Variants in DZIP1L observed in about 807,000 individuals in gnomAD.
DZIP1L encodes DAZ interacting zinc finger protein 1 like.
In DZIP1L, 90 loss-of-function variants were observed where a neutral mutation model predicts 88.7. The observed-to-expected ratio is 1.02, with a 90% CI of 0.86 to 1.21. The LOEUF (loss-of-function observed/expected upper bound fraction) is 1.21. Among genes scored for constraint, DZIP1L ranks in the 50% most tolerant of loss-of-function variants. The probability of loss-of-function intolerance (pLI) is 0.00; values close to 1 mark genes in which losing one functional copy is unlikely to be tolerated. For synonymous variants in DZIP1L, 363 were observed against 372.1 expected, an observed-to-expected ratio of 0.98 and a Z score of 0.28; for missense variants, 932 against 955.8, an observed-to-expected ratio of 0.98 and a Z score of 0.33.
At chr3:138,113,521 G>C (rs943048747) in intron 1 of DZIP1L, 1 of 152,190 alleles carries the variant, frequency 6.6e-6, no homozygotes, top group Non-Finnish European at 1.5e-5. Flanking sequence ...CCCACTGGGG[G>C]AGCTCAGGCG....
intron 7 of DZIP1L, among the ~76,000 whole-genome samples, chr3:138,085,005 T>G (rs1266354927): frequency 1.3e-5 from 2 of 152,242 alleles, no homozygotes; most frequent in African/African-American, 4.8e-5. Context: ...TTGGTACCAG[T>G]ACCAGTACCA....
At chr3:138,097,923 C>CTTGGGA in intron 2 of DZIP1L, 76 bp from the exon 3 acceptor site, 1 of 1,301,990 alleles carries the variant, frequency 7.7e-7, no homozygotes, top group South Asian at 1.3e-5. Context: ...TATATCAAAG[C>CTTGGGA]CCCCATCCCC....
chr3:138,081,870 T>G, intron 8 of DZIP1L, 106 bp from the exon 9 acceptor site: 2 of 1,182,614 alleles, frequency 1.7e-6, no homozygotes, highest in East Asian at 2.7e-5. Flanking sequence ...TGGCTACAGA[T>G]TCCATGACTC....
At chr3:138,071,061 T>C (rs2622704) in intron 12 of DZIP1L, among the ~76,000 whole-genome samples, 91,629 of 152,106 alleles carry the variant, frequency 0.6, 29,115 homozygotes, top group Non-Finnish European at 0.7. Context: ...GTGGCAGCTA[T>C]GACCTGGCCC....
intron 15 of DZIP1L, chr3:138,064,339 A>G: frequency 8.0e-7 from 1 of 1,251,750 alleles, no homozygotes; most frequent in Admixed American, 3.4e-5. Flanking sequence ...TGCCAGACAC[A>G]GAGTCAGCTC....
At chr3:138,080,677 G>T (rs1466400820) in intron 9 of DZIP1L, 57 bp from the exon 10 acceptor site, 2 of 1,587,552 alleles carry the variant, frequency 1.3e-6, no homozygotes, top group South Asian at 1.1e-5. Flanking sequence ...TCCCTGACTA[G>T]AAGAAAAGTA....
rs1367745883 is a variant in DZIP1L at position 138,108,244 on chromosome 3, C to T, written c.-81-4192G>A. The stretch of plus-strand genomic sequence containing the variant: ...GCCACCAGAGCCTCAGAGACGACTA[C>T]TCACAACAAGCTGTGCCTCGGAGCA... On this transcript the variant is annotated intron_variant, in intron 1 of 15. Coordinates refer to ENST00000327532, the MANE Select transcript of DZIP1L (RefSeq NM_173543.3). The T allele has an allele frequency of 3.0e-6, 3 of 985,214 alleles. No individual in the cohort carries two copies. In the African/African-American group the frequency reaches 5.2e-5, roughly 17 times the overall value. 61.0% of individuals were successfully genotyped at this position (985,214 alleles called of 1,614,324 possible).
In DZIP1L at chr3:138,107,574, G is replaced by A. The variant is rs181784409; in HGVS notation, c.-81-3522C>T. Among the ~76,000 whole-genome samples, 418 of 152,316 alleles carry A rather than the reference G, an allele frequency of 2.7e-3. 1 individual carries two copies. Among genetic ancestry groups the A allele is most frequent in the African/African-American group, 9.7e-3 (402 of 41,568 alleles). ...GAAAACAGGAGACCAGATTTGAAGT[G>A]TAATTGTAGGTTCATCTGGCACCAA... On this transcript the variant is annotated intron_variant, in intron 1 of 15. Coordinates refer to ENST00000327532, the MANE Select transcript of DZIP1L (RefSeq NM_173543.3).
chr3:138,079,378 A>C (rs1034877152), intron 10 of DZIP1L, among the ~76,000 whole-genome samples: 11 of 152,248 alleles, frequency 7.2e-5, no homozygotes, highest in African/African-American at 2.7e-4. Context: ...CGGAGGCAGT[A>C]GAGGACTAAC....
chr3:138,068,502 T>A, intron 12 of DZIP1L, 135 bp from the exon 13 acceptor site: 1 of 611,632 alleles, frequency 1.6e-6, no homozygotes, highest in East Asian at 3.4e-5. Flanking sequence ...CCACAGCAGA[T>A]TTCATGACTG....
intron 15 of DZIP1L, among the ~76,000 whole-genome samples, chr3:138,064,217 T>C (rs2107726869): frequency 6.6e-6 from 1 of 152,198 alleles, no homozygotes; most frequent in South Asian, 2.1e-4. Context: ...AGTACCACCC[T>C]TGGGGGAGTC....
At chr3:138,077,694 C>A in intron 10 of DZIP1L, 62 bp from the exon 11 acceptor site, 1 of 1,593,266 alleles carries the variant, frequency 6.3e-7, no homozygotes. Context: ...TCCCAGAGCC[C>A]TACTGCACCT....
chr3:138,091,346 G>T (rs1576475450), intron 5 of DZIP1L, among the ~76,000 whole-genome samples: 1 of 151,758 alleles, frequency 6.6e-6, no homozygotes, highest in Admixed American at 6.6e-5. Context: ...GCCGGGCGCA[G>T]TGGCTCATGC....
chr3:138,079,836 C>T (rs964718304), intron 10 of DZIP1L, among the ~76,000 whole-genome samples: 2 of 152,118 alleles, frequency 1.3e-5, no homozygotes, highest in Non-Finnish European at 2.9e-5. Context: ...CTGGGTGTGT[C>T]CATTGGGGAA....
At chr3:138,111,126 G>A (rs2042612627) in intron 1 of DZIP1L, among the ~76,000 whole-genome samples, 1 of 152,214 alleles carries the variant, frequency 6.6e-6, no homozygotes, top group African/African-American at 2.4e-5. Flanking sequence ...CGTATCTGCT[G>A]TATCCCAGTC....
chr3:138,104,069 G>A lies in DZIP1L; in HGVS notation c.-81-17C>T, dbSNP rs1440681056. The A allele has an allele frequency of 4.6e-6, 7 of 1,507,494 alleles. No individual in the cohort carries two copies. The Admixed American group carries it at 1.6e-4, about 34-fold the overall frequency. The allele number at this position is 1,507,494 out of a possible 1,614,324, so 93.4% of individuals were successfully genotyped here. On this transcript the variant is annotated splice_polypyrimidine_tract_variant and intron_variant, in intron 1 of 15. Coordinates refer to ENST00000327532, the MANE Select transcript of DZIP1L (RefSeq NM_173543.3). ...AGAGAAGGCCTGGAAAATAAGAAGA[G>A]AGTCCAAGTTAGGTGAGGTGTGTGT...
intron 15 of DZIP1L, 66 bp downstream of exon 15, chr3:138,064,562 C>G (rs750677326): frequency 1.9e-6 from 3 of 1,613,398 alleles, no homozygotes; most frequent in Non-Finnish European, 2.5e-6. Context: ...TCACCCCAGG[C>G]CCCCCAAACT....
Position 138,067,704 on chromosome 3 carries a change from C to T in DZIP1L, c.1833-4G>A. 6.5e-7 allele frequency: 1 copy of T among 1,540,626 alleles called. No homozygotes were observed. The highest frequency in any genetic ancestry group is 1.2e-5 in the South Asian group (1 of 80,884). ...TTCAGAACTGAACGGGGGCGTGCTG[C>T]CACGAGGAGGAGAAGAAATGAGGGA... is the stretch of plus-strand genomic sequence containing the variant. On this transcript the variant is annotated splice_polypyrimidine_tract_variant and splice_region_variant and intron_variant, in intron 13 of 15. Transcript: ENST00000327532.
chr3:138,077,525 T>G lies in DZIP1L; in HGVS notation c.1396A>C (p.Lys466Gln), dbSNP rs201547120. The change falls in exon 11 of 16, where the codon AAG (lysine) becomes CAG (glutamine). Residue 466 changes from lysine (K) to glutamine (Q), a missense_variant. Coordinates refer to ENST00000327532, the MANE Select transcript of DZIP1L (RefSeq NM_173543.3). ...TTCCTTATCCCCATGCTTTCGAGCT[T>G]CTCTTCCAGGGTGTCCTCCAGGATT... ...RPILEDTLEEKLESMGIRKDA... is the reference protein window; with the variant it reads ...RPILEDTLEEQLESMGIRKDA... 6.2e-7 allele frequency: 1 copy of G among 1,614,208 alleles called. No individual in the cohort carries two copies. The highest frequency in any genetic ancestry group is 2.2e-5 in the East Asian group (1 of 44,886).
Sources: allele counts gnomAD v4.1 joint callset (sites outside exome capture counted in the v4.1 genomes callset), GRCh38; gene constraint gnomAD v4.1.1; transcripts MANE v1.5; gene names NCBI Gene and HGNC (gene_info 2026-07-23, HGNC 2026-07-21).